The following DGKK variants were observed in gnomAD, a reference collection of about 807,000 sequenced individuals.
DGKK encodes the protein diacylglycerol kinase kappa, also known as 142 kDa diacylglycerol kinase.
A neutral mutation model predicts 92.2 loss-of-function variants in DGKK; 35 were observed. The observed-to-expected ratio is 0.38, with a 90% CI of 0.29 to 0.50. The LOEUF (loss-of-function observed/expected upper bound fraction) is 0.50. DGKK is among the 20% of genes least tolerant of loss of function. DGKK has a pLI of 0.92. For synonymous variants in DGKK, 368 were observed against 360.6 expected, an observed-to-expected ratio of 1.02 and a Z score of -0.23; for missense variants, 910 against 992.2, an observed-to-expected ratio of 0.92 and a Z score of 1.11.
Position 50,424,352 on chromosome X carries a change from A to AAGATAGGTCC in DGKK, c.651_652insGGACCTATCT (p.Leu218GlyfsTer14). The AAGATAGGTCC allele has an allele frequency of 8.3e-7, 1 of 1,205,475 alleles. No individual in the cohort carries two copies. Among genetic ancestry groups the AAGATAGGTCC allele is most frequent in the Non-Finnish European group, 1.1e-6 (1 of 890,249 alleles). On this transcript the variant is annotated frameshift_variant, in exon 2 of 28. Coordinates refer to ENST00000611977, the MANE Select transcript of DGKK (RefSeq NM_001013742.4). LOFTEE classifies it high-confidence loss of function. ...TTCTTCAGCATAGGTCCTTCCTTCA[A>AAGATAGGTCC]TATTTTCTGAAAGATAGAAGCATGG...
intron 27 of DGKK, among the ~76,000 whole-genome samples, chrX:50,369,469 TCCCTTTCTTTCTCCTTCCGTC>T (rs1924059255): frequency 9.2e-6 from 1 of 108,575 alleles, no homozygotes; most frequent in Middle Eastern, 4.2e-3. Context: ...TTCATTTCGC[TCCCTTTCTTTCTCCTTCCGTC>T]CTTTCTTTAT....
At position 50,470,045 on chromosome X, in the gene DGKK, A is replaced by G. The variant is rs1927015106; in HGVS notation, c.634T>C (p.Ser212Pro). The G allele has an allele frequency of 2.5e-6, 3 of 1,202,952 alleles. No homozygotes were observed. The highest frequency in any genetic ancestry group is 3.4e-6 in the Non-Finnish European group (3 of 890,918). ...SPSPRTPMSW[S>P]RIKKILKEGP... ...GGTCTTTTGCTTACCTTTATTCTGG[A>G]CCACGACATTGGCGTTCTGGGCGAT... Residue 212 changes from serine (S) to proline (P), a missense_variant, in exon 1 of 28, where the codon TCC becomes CCC. Physicochemically the swap from Ser to Pro is moderately conservative, Grantham distance 74. Transcript: ENST00000611977.
At chrX:50,429,700 A>T (rs1412192680) in intron 1 of DGKK, among the ~76,000 whole-genome samples, 1 of 112,593 alleles carries the variant, frequency 8.9e-6, no homozygotes, top group Admixed American at 9.3e-5. Flanking sequence ...CACACAAAAA[A>T]GTATTCTATG....
At chrX:50,430,810 A>T (rs1186913810) in intron 1 of DGKK, among the ~76,000 whole-genome samples, 6 of 111,938 alleles carry the variant, frequency 5.4e-5, no homozygotes. Flanking sequence ...TAAATTAATA[A>T]ATTAATGAGG....
chrX:50,401,150 A>AAG lies in DGKK; in HGVS notation c.1309-13_1309-12dup, dbSNP rs2147128420. 8.5e-7 allele frequency: 1 copy of AAG among 1,178,978 alleles called. No individual in the cohort carries two copies. The highest frequency in any genetic ancestry group is 3.0e-5 in the East Asian group (1 of 33,005). ...ACAGTCATCATGCACCTGAAACGAC[A>AAG]AGAGAAGAGCAGAGAAAAAAAAGGA... On this transcript the variant is annotated splice_polypyrimidine_tract_variant and intron_variant, in intron 7 of 27. Coordinates refer to ENST00000611977, the MANE Select transcript of DGKK (RefSeq NM_001013742.4).
rs1924038016 is a variant in DGKK, at chrX:50,368,889, AGTT to A, written c.*48_*50del. The A allele has an allele frequency of 2.8e-6, 3 of 1,085,828 alleles. No individual in the cohort carries two copies. In the African/African-American group the frequency reaches 5.5e-5, roughly 20 times the overall value. The allele number at this position is 1,085,828 out of a possible 1,213,427, so 89.5% of individuals were successfully genotyped here. ...GTCTAGCCTGTATTGAGGTTTTGAG[AGTT>A]TTTTTAGTAGAATTCTCAATGTTGT... On this transcript the variant is annotated 3_prime_UTR_variant, in exon 28 of 28. Transcript: ENST00000611977.
rs782515213 is a variant in DGKK at position 50,470,596 on chromosome X, G to A, written c.83C>T (p.Pro28Leu). The A allele has an allele frequency of 3.4e-5, 40 of 1,191,506 alleles. No individual in the cohort carries two copies. The African/African-American group carries it at 5.0e-4, about 15-fold the overall frequency. ...EQPAESPEPPPPWPPPPPPPA... is the reference protein window; with the variant it reads ...EQPAESPEPPLPWPPPPPPPA... ...TGGTGGTGGCGGCGGCGGCCAAGGC[G>A]GCGGAGGCTCTGGAGACTCAGCGGG... The change falls in exon 1 of 28, where the codon CCG becomes CTG. Residue 28 changes from proline to leucine, a missense_variant. Transcript: ENST00000611977.
At chrX:50,393,679 A>C (rs1355371224) in intron 8 of DGKK, among the ~76,000 whole-genome samples, 6 of 111,859 alleles carry the variant, frequency 5.4e-5, no homozygotes, top group Non-Finnish European at 5.6e-5. Flanking sequence ...TGGTGCCACA[A>C]CAAAGGATTA....
intron 18 of DGKK, among the ~76,000 whole-genome samples, chrX:50,381,755 C>T (rs1924420783): frequency 8.9e-6 from 1 of 111,814 alleles, no homozygotes; most frequent in Admixed American, 9.5e-5. Context: ...TCAATTGGAC[C>T]GCCTTAGAAT....
At chrX:50,417,319 C>T (rs782382142) in intron 4 of DGKK, among the ~76,000 whole-genome samples, 7 of 109,849 alleles carry the variant, frequency 6.4e-5, no homozygotes, top group Admixed American at 9.8e-5. Context: ...GCTTTAGGAA[C>T]ATTAGATGGA....
chrX:50,469,996 T>A, intron 1 of DGKK, 38 bp downstream of exon 1: 1 of 1,160,533 alleles, frequency 8.6e-7, no homozygotes, highest in Non-Finnish European at 1.2e-6. Context: ...TGACTTCGCC[T>A]TGCTTCTTTT....
Position 50,424,339 on chromosome X carries a change from G to C in DGKK, c.665C>G (p.Pro222Arg), listed in dbSNP as rs1193061098. The change falls in exon 2 of 28, where the codon CCT (proline) becomes CGT (arginine). Residue 222 changes from proline (P) to arginine (R), a missense_variant. Transcript: ENST00000611977. ...SRIKKILKEG[P>R]MLKNCNSFKR... ...GAAAGAGTTACAGTTCTTCAGCATA[G>C]GTCCTTCCTTCAATATTTTCTGAAA... The C allele has an allele frequency of 8.3e-7, 1 of 1,207,849 alleles. No individual in the cohort carries two copies. The highest frequency in any genetic ancestry group is 3.0e-5 in the East Asian group (1 of 33,748).
At position 50,403,101 on chromosome X, in the gene DGKK, T is replaced by C. The variant is rs782100146; in HGVS notation, c.1268A>G (p.Gln423Arg). 18 of 1,210,415 alleles carry C rather than the reference T, an allele frequency of 1.5e-5. No homozygotes were observed. Among genetic ancestry groups the C allele is most frequent in the Non-Finnish European group, 1.9e-5 (17 of 894,860 alleles). The change falls in exon 7 of 28, where the codon CAA (glutamine) becomes CGA (arginine). Residue 423 changes from glutamine (Q) to arginine (R), a missense_variant. Physicochemically the swap from Gln to Arg is conservative, Grantham distance 43. Transcript: ENST00000611977. The stretch of plus-strand genomic sequence containing the variant: ...CAGGCAGCGGAAGTCTTGAAGTCTT[T>C]GATAACTGCCACAGCTCTCATGACA... Reference protein sequence around the residue: ...AVCHESCGSYQRLQDFRCLWC... With the variant: ...AVCHESCGSYRRLQDFRCLWC...
At chrX:50,385,001 G>A (rs1038936222) in intron 15 of DGKK, among the ~76,000 whole-genome samples, 177 bp from the exon 16 acceptor site, 9 of 111,959 alleles carry the variant, frequency 8.0e-5, no homozygotes, top group African/African-American at 1.6e-4. Context: ...CGACCATCAC[G>A]TCTCCTCCAT....
intron 18 of DGKK, among the ~76,000 whole-genome samples, chrX:50,381,303 A>G (rs940693777): frequency 9.0e-6 from 1 of 110,908 alleles, no homozygotes; most frequent in Non-Finnish European, 1.9e-5. Flanking sequence ...CTCCGTCTCT[A>G]CTAAATTACA....
chrX:50,455,558 C>T (rs782637612), intron 1 of DGKK, among the ~76,000 whole-genome samples: 1 of 111,399 alleles, frequency 9.0e-6, no homozygotes, highest in East Asian at 2.8e-4. Context: ...TCCCTAAGCG[C>T]AATATATTCC....
At position 50,386,445 on chromosome X, in the gene DGKK, G is replaced by C; in HGVS notation, c.2260C>G (p.His754Asp). The part of the protein sequence containing the change: ...DRKPFIPQID[H>D]IAKCKLELAT... ...AGCTCCAACTTGCACTTGGCTATGT[G>C]GTCTATTTGAGGAATGAAGGGCTTC... The change falls in exon 15 of 28, where the codon CAC becomes GAC. Residue 754 changes from histidine (H) to aspartate (D), a missense_variant. His to Asp is a moderately conservative substitution (Grantham distance 81, BLOSUM62 -1). Transcript: ENST00000611977. 1.7e-6 allele frequency: 2 copies of C among 1,210,794 alleles called. No individual in the cohort carries two copies. Among genetic ancestry groups the C allele is most frequent in the Non-Finnish European group, 2.2e-6 (2 of 894,907 alleles).
At chrX:50,458,879 A>G (rs1220394450) in intron 1 of DGKK, among the ~76,000 whole-genome samples, 2 of 111,617 alleles carry the variant, frequency 1.8e-5, no homozygotes, top group Non-Finnish European at 3.8e-5. Context: ...GTATAACTTC[A>G]CTTCTACTGA....
chrX:50,453,665 T>C (rs2147149632), intron 1 of DGKK, among the ~76,000 whole-genome samples: 2 of 111,564 alleles, frequency 1.8e-5, no homozygotes, highest in East Asian at 5.7e-4. Flanking sequence ...TAGATGTTCC[T>C]TCATGTAGCA....
Sources: allele counts gnomAD v4.1 joint callset (sites outside exome capture counted in the v4.1 genomes callset), GRCh38; gene constraint gnomAD v4.1.1; transcripts MANE v1.5; gene names NCBI Gene and HGNC (gene_info 2026-07-23, HGNC 2026-07-21).